The following SPIDR variants were observed in gnomAD, a reference collection of about 807,000 sequenced individuals.
SPIDR encodes the protein DNA repair-scaffolding protein.
In SPIDR, 93 loss-of-function variants were observed where a neutral mutation model predicts 104.6. The ratio of observed to expected loss-of-function variants is 0.89; its 90% CI spans 0.75 to 1.06. The LOEUF (loss-of-function observed/expected upper bound fraction) is 1.06, where lower values mean the gene tolerates loss of function less well. SPIDR is among the 50% of genes least tolerant of loss of function. The pLI, the probability that SPIDR is intolerant of heterozygous loss-of-function variation, is 0.00. For missense variants in SPIDR, 1,154 were observed against 1,111.2 expected (o/e 1.04, Z -0.55); for synonymous variants, 431 against 416.9 (o/e 1.03, Z -0.41).
intron 5 of SPIDR, among the ~76,000 whole-genome samples, chr8:47,357,332 C>T (rs1400055362): frequency 1.3e-5 from 2 of 152,168 alleles, no homozygotes; most frequent in African/African-American, 4.8e-5. Context: ...TGTCCCGACA[C>T]CCACGCCATA....
chr8:47,263,353 T>A (rs1054425101), intron 1 of SPIDR, among the ~76,000 whole-genome samples: 10 of 152,248 alleles, frequency 6.6e-5, no homozygotes, highest in African/African-American at 2.4e-4. Context: ...GTTCTTGGTT[T>A]GGAATAATGC....
At chr8:47,565,141 G>T (rs1054682498) in intron 8 of SPIDR, among the ~76,000 whole-genome samples, 3 of 152,220 alleles carry the variant, frequency 2.0e-5, no homozygotes, top group African/African-American at 7.2e-5. Context: ...AGCTGCTTGG[G>T]AGGCCGAGGC....
intron 7 of SPIDR, among the ~76,000 whole-genome samples, chr8:47,438,652 G>A (rs74330894): frequency 6.6e-6 from 1 of 152,182 alleles, no homozygotes; most frequent in South Asian, 2.1e-4. Flanking sequence ...GTTATATGCT[G>A]CTTGTACATT....
At chr8:47,376,709 G>C (rs1343492331) in intron 5 of SPIDR, among the ~76,000 whole-genome samples, 2 of 151,998 alleles carry the variant, frequency 1.3e-5, no homozygotes, top group African/African-American at 4.8e-5. Flanking sequence ...TTGTAGTGTA[G>C]GTCATCTGAA....
At chr8:47,403,723 A>G (rs944925851) in intron 6 of SPIDR, among the ~76,000 whole-genome samples, 5 of 152,226 alleles carry the variant, frequency 3.3e-5, no homozygotes, top group African/African-American at 1.2e-4. Flanking sequence ...AAATGGAAGA[A>G]CATTTCATGC....
At chr8:47,693,219 G>C (rs1406472959) in intron 11 of SPIDR, among the ~76,000 whole-genome samples, 1 of 152,190 alleles carries the variant, frequency 6.6e-6, no homozygotes, top group Non-Finnish European at 1.5e-5. Flanking sequence ...TGACATAAAA[G>C]TAGATAAGCT....
At chr8:47,545,365 G>A (rs188628441) in intron 8 of SPIDR, among the ~76,000 whole-genome samples, 94 of 151,518 alleles carry the variant, frequency 6.2e-4, no homozygotes, top group Middle Eastern at 3.4e-3. Flanking sequence ...CACTGTGCCC[G>A]GCCTTTTTTT....
At chr8:47,404,470 C>G (rs559546886) in intron 6 of SPIDR, among the ~76,000 whole-genome samples, 25 of 152,256 alleles carry the variant, frequency 1.6e-4, no homozygotes, top group Non-Finnish European at 2.8e-4. Context: ...GGGCTAATAT[C>G]CAGAATCTAT....
At chr8:47,519,561 T>A (rs2083707094) in intron 8 of SPIDR, among the ~76,000 whole-genome samples, 1 of 152,078 alleles carries the variant, frequency 6.6e-6, no homozygotes, top group Non-Finnish European at 1.5e-5. Flanking sequence ...GGAGGGAAGA[T>A]CACTTGAGAC....
At chr8:47,326,902 T>C (rs528686508) in intron 5 of SPIDR, among the ~76,000 whole-genome samples, 1 of 152,354 alleles carries the variant, frequency 6.6e-6, no homozygotes, top group Non-Finnish European at 1.5e-5. Context: ...ATAGAGCTGC[T>C]AGAACCCTGG....
At chr8:47,311,680 C>T (rs1206699480) in intron 5 of SPIDR, among the ~76,000 whole-genome samples, 1 of 151,580 alleles carries the variant, frequency 6.6e-6, no homozygotes, top group Non-Finnish European at 1.5e-5. Flanking sequence ...TTGAAAGCAC[C>T]CTGAGAAATG....
chr8:47,615,709 G>A (rs556706207), intron 10 of SPIDR, among the ~76,000 whole-genome samples: 93 of 151,934 alleles, frequency 6.1e-4, no homozygotes, highest in Admixed American at 1.2e-3. Flanking sequence ...GAGTTTCGCC[G>A]TATTGGCCAG....
chr8:47,588,576 T>C (rs969947981), intron 8 of SPIDR, among the ~76,000 whole-genome samples: 3 of 152,156 alleles, frequency 2.0e-5, no homozygotes, highest in East Asian at 1.9e-4. Flanking sequence ...TCTTGTCTTA[T>C]TGCACTAGCT....
At chr8:47,508,444 C>A (rs1208377526) in intron 8 of SPIDR, among the ~76,000 whole-genome samples, 1 of 152,166 alleles carries the variant, frequency 6.6e-6, no homozygotes, top group East Asian at 1.9e-4. Flanking sequence ...TTCTCAAAGA[C>A]CTATGTGTCT....
chr8:47,578,200 C>T (rs537179945), intron 8 of SPIDR, among the ~76,000 whole-genome samples: 4 of 152,274 alleles, frequency 2.6e-5, no homozygotes, highest in African/African-American at 4.8e-5. Context: ...CAGCCGGGTG[C>T]GGTGGCTCAC....
intron 7 of SPIDR, among the ~76,000 whole-genome samples, chr8:47,413,846 A>G (rs1401266776): frequency 2.0e-5 from 3 of 152,214 alleles, no homozygotes; most frequent in African/African-American, 4.8e-5. Flanking sequence ...TAGGTTGAGT[A>G]TATGCTATAG....
chr8:47,305,472 T>C (rs2042940429), intron 5 of SPIDR, among the ~76,000 whole-genome samples: 1 of 152,102 alleles, frequency 6.6e-6, no homozygotes, highest in Admixed American at 6.5e-5. Flanking sequence ...TGTATTCTTA[T>C]CAGTAAGGGT....
intron 4 of SPIDR, 37 bp from the exon 5 acceptor site, chr8:47,293,830 G>T: frequency 6.4e-7 from 1 of 1,559,470 alleles, no homozygotes; most frequent in East Asian, 2.3e-5. Context: ...GAAAGATTAA[G>T]GAGATAATTA....
At chr8:47,407,248 T>A (rs533702992) in intron 6 of SPIDR, among the ~76,000 whole-genome samples, 6 of 152,372 alleles carry the variant, frequency 3.9e-5, no homozygotes, top group African/African-American at 1.4e-4. Flanking sequence ...AGTTTTCTTT[T>A]TTATAACATT....
Sources: allele counts gnomAD v4.1 joint callset (sites outside exome capture counted in the v4.1 genomes callset), GRCh38; gene constraint gnomAD v4.1.1; transcripts MANE v1.5; gene names NCBI Gene and HGNC (gene_info 2026-07-23, HGNC 2026-07-21).